LRRC43: variants seen among roughly 807,000 people sequenced by gnomAD.
LRRC43 encodes leucine-rich repeat-containing protein 43.
LRRC43 carries 62 observed loss-of-function variants against 64.3 expected under a neutral mutation model. The observed-to-expected ratio is 0.96, with a 90% confidence interval of 0.79 to 1.19. The LOEUF is 1.19. Ranked by LOEUF, LRRC43 falls within the 50% of genes most tolerant of loss-of-function variation. LRRC43 has a pLI of 0.00. For synonymous variants in LRRC43, 422 were observed against 382.3 expected (o/e 1.10, Z -1.21); for missense variants, 868 against 845.0 (o/e 1.03, Z -0.34).
chr12:122,191,686 GCT>G (rs1953720823), intron 6 of LRRC43, 119 bp downstream of exon 6: 1 of 794,040 alleles, frequency 1.3e-6, no homozygotes, highest in African/African-American at 1.8e-5. Flanking sequence ...GAGGAGTCTC[GCT>G]CTGTCACCCA....
chr12:122,176,564 C>T (rs1189958528), intron 1 of LRRC43, among the ~76,000 whole-genome samples: 8 of 149,412 alleles, frequency 5.4e-5, no homozygotes, highest in Admixed American at 1.3e-4. Flanking sequence ...AGATCTCAAG[C>T]GATCCTCCCA....
intron 1 of LRRC43, among the ~76,000 whole-genome samples, chr12:122,168,659 G>GT (rs1200178444): frequency 6.6e-6 from 1 of 152,120 alleles, no homozygotes; most frequent in African/African-American, 2.4e-5. Flanking sequence ...CCTTCACCCA[G>GT]CTTCCCCTAA....
At chr12:122,187,485 A>C (rs1255319239) in intron 3 of LRRC43, 6 of 515,940 alleles carry the variant, frequency 1.2e-5, no homozygotes, top group African/African-American at 1.2e-4. Context: ...CCAGATGTTG[A>C]AGTGTCTTTC....
At chr12:122,181,555 A>AT (rs1014893293), upstream of LRRC43, among the ~76,000 whole-genome samples, 1 of 151,278 alleles carries the variant, frequency 6.6e-6, no homozygotes, top group Admixed American at 6.6e-5. Context: ...AAAAAAAAAA[A>AT]GGAAAAGAAA....
At chr12:122,199,826 C>T (rs1291225649) in intron 7 of LRRC43, among the ~76,000 whole-genome samples, 1 of 151,950 alleles carries the variant, frequency 6.6e-6, no homozygotes, top group African/African-American at 2.4e-5. Flanking sequence ...TCAGGCGATC[C>T]TCCTGTCTCG....
chr12:122,195,945 G>C (rs1259013664), intron 7 of LRRC43, among the ~76,000 whole-genome samples: 1 of 152,182 alleles, frequency 6.6e-6, no homozygotes, highest in Non-Finnish European at 1.5e-5. Flanking sequence ...CCTCCTTGGA[G>C]GGCTTTGAAC....
intron 1 of LRRC43, among the ~76,000 whole-genome samples, chr12:122,177,476 AGTGTGTGTGTGTGT>A (rs67103998): frequency 2.4e-4 from 35 of 143,586 alleles, no homozygotes; most frequent in East Asian, 1.6e-3. Context: ...TGAGAGAGAA[AGTGTGTGTGTGTGT>A]GTGTGTGTGT....
chr12:122,189,329 T>A (rs1166131507), intron 4 of LRRC43: 1 of 437,250 alleles, frequency 2.3e-6, no homozygotes, highest in Non-Finnish European at 4.6e-6. Flanking sequence ...TCTACATGCC[T>A]GGAGCGGGCG....
intron 1 of LRRC43, among the ~76,000 whole-genome samples, chr12:122,177,476 A>AGTGTGTGTGT (rs67103998): frequency 0.015 from 2,181 of 143,542 alleles, 21 homozygotes; most frequent in Admixed American, 0.02. Context: ...TGAGAGAGAA[A>AGTGTGTGTGT]GTGTGTGTGT....
At chr12:122,197,924 C>T (rs1446027705) in intron 7 of LRRC43, among the ~76,000 whole-genome samples, 1 of 151,710 alleles carries the variant, frequency 6.6e-6, no homozygotes, top group Non-Finnish European at 1.5e-5. Context: ...TTTTTCATGC[C>T]ATTTTTTATT....
rs745316618 is a variant in LRRC43 at position 122,192,984 on chromosome 12, C to T, written c.1329C>T (p.Pro443=). Residue 443 remains proline, a synonymous_variant, in exon 7 of 12, where the codon CCC becomes CCT. Transcript: ENST00000339777. The part of the protein sequence containing the change: ...ELAKLRLRID[P]RLCPSPGTVL... Reference sequence around the variant, plus strand: ...CCAAGTTGAGGCTGCGTATAGATCCCCGGCTCTGCCCGTCCCCAGGGTAAG... The same window carrying T: ...CCAAGTTGAGGCTGCGTATAGATCCTCGGCTCTGCCCGTCCCCAGGGTAAG... The T allele has an allele frequency of 6.2e-7, 1 of 1,613,668 alleles. No individual in the cohort carries two copies. The highest frequency in any genetic ancestry group is 8.5e-7 in the Non-Finnish European group (1 of 1,179,836).
rs199768950 is a variant in LRRC43, at chr12:122,200,854, G to C, written c.1729G>C (p.Ala577Pro). ...CCTGGTGATCCTGGAGCCCCTGCTC[G>C]CCGGGGAGCCCCTGGTGTCCACCGT... ...RGLVILEPLL[A>P]GEPLVSTVCN... Residue 577 changes from alanine (A) to proline (P), a missense_variant, in exon 10 of 12, where the codon GCC (alanine) becomes CCC (proline). Ala to Pro is a conservative substitution (Grantham distance 27). Coordinates refer to ENST00000339777, the MANE Select transcript of LRRC43 (RefSeq NM_001098519.2). The surrounding 1 kb of genome is among the most constrained non-coding windows in gnomAD (Gnocchi z 4.6). 7.7e-5 allele frequency: 124 copies of C among 1,612,900 alleles called. No homozygotes were observed. Among genetic ancestry groups the C allele is most frequent in the Non-Finnish European group, 1.0e-4 (121 of 1,179,896 alleles).
upstream of LRRC43, among the ~76,000 whole-genome samples, chr12:122,181,542 C>CA (rs1397476855): frequency 0.022 from 1,851 of 85,736 alleles, 37 homozygotes; most frequent in African/African-American, 0.06. Context: ...GACTCCGTCT[C>CA]AAAAAAAAAA....
Position 122,200,869 on chromosome 12 carries a change from G to A in LRRC43, c.1744G>A (p.Val582Met). 6.2e-7 allele frequency: 1 copy of A among 1,613,020 alleles called. No homozygotes were observed. The highest frequency in any genetic ancestry group is 8.5e-7 in the Non-Finnish European group (1 of 1,179,850). Reference sequence around the variant, plus strand: ...GCCCCTGCTCGCCGGGGAGCCCCTGGTGTCCACCGTGTGCAACTTCGGCGT... The same window carrying A: ...GCCCCTGCTCGCCGGGGAGCCCCTGATGTCCACCGTGTGCAACTTCGGCGT... ...LEPLLAGEPL[V>M]STVCNFGVVR... The change falls in exon 10 of 12, where the codon GTG (valine) becomes ATG (methionine). Residue 582 changes from valine to methionine, a missense_variant. Val to Met is a conservative substitution (Grantham distance 21). Coordinates refer to ENST00000339777, the MANE Select transcript of LRRC43 (RefSeq NM_001098519.2). This position sits in a 1 kb window ranked among gnomAD's most constrained non-coding sequence, Gnocchi z 4.6.
In LRRC43 at chr12:122,201,288, TC is replaced by T. The variant is rs748770570; in HGVS notation, c.1810-7del. The stretch of plus-strand genomic sequence containing the variant: ...GTAAGCATCTCGTTTTGTGGTTCTT[TC>T]TCTCAGGATTCAAAGAAGATTAAGA... On this transcript the variant is annotated splice_region_variant and splice_polypyrimidine_tract_variant and intron_variant, in intron 10 of 11. Coordinates refer to ENST00000339777, the MANE Select transcript of LRRC43 (RefSeq NM_001098519.2). The T allele has an allele frequency of 1.9e-6, 3 of 1,613,974 alleles. No homozygotes were observed. The Admixed American group carries it at 5.0e-5, about 27-fold the overall frequency.
intron 2 of LRRC43, among the ~76,000 whole-genome samples, chr12:122,185,347 C>T (rs1340635254): frequency 2.6e-5 from 4 of 151,954 alleles, no homozygotes; most frequent in East Asian, 1.9e-4. Context: ...TGGTGGTGCA[C>T]GCCTGTAGCC....
intron 1 of LRRC43, 94 bp downstream of exon 1, chr12:122,183,388 G>A: frequency 7.7e-7 from 1 of 1,305,624 alleles, no homozygotes; most frequent in African/African-American, 1.6e-5. Context: ...CTGGGGCCTG[G>A]GATCTGCGCA....
rs753838684 is a variant in LRRC43, at chr12:122,191,569, T to C, written c.1089+2T>C. ...GAGTCCGCGGGCGTCCTGGCCGAGG[T>C]GTGCCCTGGTCTGTCCCTAGGAGTA... On this transcript the variant is annotated splice_donor_variant, in intron 6 of 11. Transcript: ENST00000339777. LOFTEE classifies it high-confidence loss of function. 5.0e-5 allele frequency: 81 copies of C among 1,613,150 alleles called. No individual in the cohort carries two copies. The highest frequency in any genetic ancestry group is 6.4e-5 in the Non-Finnish European group (76 of 1,179,494).
At chr12:122,186,784 T>G (rs1953649783) in intron 3 of LRRC43, among the ~76,000 whole-genome samples, 1 of 152,152 alleles carries the variant, frequency 6.6e-6, no homozygotes, top group Non-Finnish European at 1.5e-5. Flanking sequence ...CCGGGTGTGG[T>G]GGCATGCGCC....
Sources: allele counts gnomAD v4.1 joint callset (sites outside exome capture counted in the v4.1 genomes callset), GRCh38; gene constraint gnomAD v4.1.1; non-coding constraint Gnocchi (gnomAD v3.1); transcripts MANE v1.5; gene names NCBI Gene and HGNC (gene_info 2026-07-23, HGNC 2026-07-21).